The following GPC5 variants were observed in gnomAD, a reference collection of about 807,000 sequenced individuals.
GPC5 encodes glypican 5.
GPC5 carries 47 observed loss-of-function variants against 53.9 expected under a neutral mutation model. The ratio of observed to expected loss-of-function variants is 0.87; its 90% confidence interval spans 0.69 to 1.11. The LOEUF is 1.11. GPC5 is among the 50% of genes most tolerant of loss of function. The pLI, the probability that GPC5 is intolerant of heterozygous loss-of-function variation, is 0.00. For synonymous variants in GPC5, 286 were observed against 263.3 expected, an observed-to-expected ratio of 1.09 and a Z score of -0.84; for missense variants, 748 against 713.1, an observed-to-expected ratio of 1.05 and a Z score of -0.56.
At chr13:92,778,262 TTGAC>T (rs71746500) in intron 7 of GPC5, among the ~76,000 whole-genome samples, 4,846 of 152,210 alleles carry the variant, frequency 0.032, 321 homozygotes, top group East Asian at 0.28. Flanking sequence ...CTTCCAGTTG[TTGAC>T]TATTTTAGGT....
At chr13:92,227,652 G>A (rs1158607822) in intron 7 of GPC5, among the ~76,000 whole-genome samples, 1 of 152,086 alleles carries the variant, frequency 6.6e-6, no homozygotes, top group African/African-American at 2.4e-5. Flanking sequence ...AAGCAAAAAT[G>A]AAAACAAATA....
At chr13:92,780,681 CA>C (rs1875991092) in intron 7 of GPC5, among the ~76,000 whole-genome samples, 1 of 144,198 alleles carries the variant, frequency 6.9e-6, no homozygotes, top group African/African-American at 2.7e-5. Context: ...GTGCAGAAAA[CA>C]TTTTTTTTAG....
chr13:92,491,089 T>C (rs1478833585), intron 7 of GPC5, among the ~76,000 whole-genome samples: 1 of 152,122 alleles, frequency 6.6e-6, no homozygotes, highest in Non-Finnish European at 1.5e-5. Context: ...TATGTTTTCT[T>C]GTCAGGAGAT....
rs375270789 is a variant in GPC5 at position 91,879,706 on chromosome 13, A to G, written c.1281-28231A>G. Among the ~76,000 whole-genome samples, 238 of 152,330 alleles carry G rather than the reference A, an allele frequency of 1.6e-3. 1 individual carries two copies. In the Middle Eastern group the frequency reaches 0.054, roughly 35 times the overall value. ...ACATTGGCGGTTAGCATTTCAACAT[A>G]TGAATTTGAGAGGGATATAAACACT... is the stretch of plus-strand genomic sequence containing the variant. On this transcript the variant is annotated intron_variant, in intron 5 of 7. Coordinates refer to ENST00000377067, the MANE Select transcript of GPC5 (RefSeq NM_004466.6).
intron 7 of GPC5, among the ~76,000 whole-genome samples, chr13:92,428,849 A>ATG (rs747911106): frequency 3.6e-4 from 55 of 152,100 alleles, no homozygotes; most frequent in Non-Finnish European, 6.2e-4. Flanking sequence ...ACAAAAATAT[A>ATG]TATAGCTGGA....
At chr13:91,790,300 A>G (rs2037944425) in intron 5 of GPC5, among the ~76,000 whole-genome samples, 2 of 152,192 alleles carry the variant, frequency 1.3e-5, no homozygotes, top group Admixed American at 1.3e-4. Flanking sequence ...ATAGCTATTA[A>G]GGTCATTTGC....
rs1341969990 is a variant in GPC5 at position 91,975,591 on chromosome 13, G to C, written c.1401+67534G>C. On this transcript the variant is annotated intron_variant, in intron 6 of 7. Transcript: ENST00000377067. ...ATAAGATACCATCTCACACCAGTTA[G>C]AAAGGTGATCATTAAAAAGTCAGGA... Among the ~76,000 whole-genome samples the C allele has an allele frequency of 5.3e-5, 8 of 152,354 alleles. No individual in the cohort carries two copies. The East Asian group carries it at 1.3e-3, about 26-fold the overall frequency.
chr13:91,732,305 T>C (rs1180337209), intron 4 of GPC5, among the ~76,000 whole-genome samples: 2 of 152,020 alleles, frequency 1.3e-5, no homozygotes, highest in Non-Finnish European at 2.9e-5. Context: ...GTTTTTTTCA[T>C]ATGTTTGTTG....
chr13:92,337,904 G>C lies in GPC5; in HGVS notation c.1561+192915G>C, dbSNP rs573365255. On this transcript the variant is annotated intron_variant, in intron 7 of 7. Coordinates refer to ENST00000377067, the MANE Select transcript of GPC5 (RefSeq NM_004466.6). ...TCTAGCTGAACTTGGTTATGGAAAAGGCTTTTTAGATATACCACCAAAGGC... is the reference window on the plus strand; with the variant it reads ...TCTAGCTGAACTTGGTTATGGAAAACGCTTTTTAGATATACCACCAAAGGC... 1.5e-4 allele frequency among the ~76,000 whole-genome samples: 23 copies of C among 152,166 alleles called. No individual in the cohort carries two copies. The South Asian group carries it at 4.1e-3, about 27-fold the overall frequency.
intron 6 of GPC5, among the ~76,000 whole-genome samples, chr13:92,116,767 C>T (rs556488970): frequency 6.6e-6 from 1 of 152,254 alleles, no homozygotes; most frequent in African/African-American, 2.4e-5. Flanking sequence ...AGTGGTATCT[C>T]ATTGTAATTT....
chr13:92,095,011 C>A (rs2041411095), intron 6 of GPC5, among the ~76,000 whole-genome samples: 1 of 151,962 alleles, frequency 6.6e-6, no homozygotes, highest in Non-Finnish European at 1.5e-5. Flanking sequence ...ACTTTTGACC[C>A]AAAATATTCT....
chr13:92,263,630 A>C (rs548056667), intron 7 of GPC5, among the ~76,000 whole-genome samples: 2 of 152,242 alleles, frequency 1.3e-5, no homozygotes, highest in South Asian at 2.1e-4. Flanking sequence ...TAATCCTTCA[A>C]ATATTAGCTG....
intron 6 of GPC5, among the ~76,000 whole-genome samples, chr13:91,952,723 G>A (rs925522925): frequency 2.4e-4 from 36 of 152,002 alleles, no homozygotes; most frequent in Non-Finnish European, 4.0e-4. Flanking sequence ...ATTATTTCAG[G>A]CACATTCAAG....
At chr13:92,580,487 C>T (rs931902115) in intron 7 of GPC5, among the ~76,000 whole-genome samples, 1 of 151,998 alleles carries the variant, frequency 6.6e-6, no homozygotes, top group African/African-American at 2.4e-5. Flanking sequence ...GTATATTAAG[C>T]CTTTCTTGCA....
rs1428780695 is a variant in GPC5 at position 92,035,797 on chromosome 13, T to C, written c.1402-109033T>C. 2.7e-5 allele frequency among the ~76,000 whole-genome samples: 4 copies of C among 150,268 alleles called. No homozygotes were observed. In the South Asian group the frequency reaches 6.3e-4, roughly 24 times the overall value. ...AAAAACAATGTTCACCAAAGCTACC[T>C]GATTTAGTGAGAAGCTTTTTGTCTT... On this transcript the variant is annotated intron_variant, in intron 6 of 7. Transcript: ENST00000377067.
chr13:91,868,658 C>T (rs1351041165), intron 5 of GPC5, among the ~76,000 whole-genome samples: 1 of 152,096 alleles, frequency 6.6e-6, no homozygotes, highest in Non-Finnish European at 1.5e-5. Context: ...TGAACTGTGA[C>T]TGTGCCACTG....
intron 1 of GPC5, among the ~76,000 whole-genome samples, chr13:91,438,541 C>T (rs558915267): frequency 1.5e-3 from 224 of 152,256 alleles, no homozygotes; most frequent in African/African-American, 5.2e-3. Flanking sequence ...CAGAGGAGTA[C>T]CCGGACTTGT....
chr13:92,277,959 A>G (rs1377088883), intron 7 of GPC5, among the ~76,000 whole-genome samples: 1 of 151,864 alleles, frequency 6.6e-6, no homozygotes, highest in African/African-American at 2.4e-5. Context: ...GATTAAAACT[A>G]ATTATATAGT....
chr13:92,625,136 C>A (rs1024820334), intron 7 of GPC5, among the ~76,000 whole-genome samples: 2 of 152,120 alleles, frequency 1.3e-5, no homozygotes, highest in South Asian at 4.2e-4. Context: ...TTGTCCACTG[C>A]GAATTTACAT....
Sources: allele counts gnomAD v4.1 joint callset (sites outside exome capture counted in the v4.1 genomes callset), GRCh38; gene constraint gnomAD v4.1.1; transcripts MANE v1.5; gene names NCBI Gene and HGNC (gene_info 2026-07-23, HGNC 2026-07-21).